MLN: variants seen among roughly 807,000 people sequenced by gnomAD.
The protein encoded by MLN is motilin, also known as promotilin.
MLN carries 14 observed loss-of-function variants against 13.3 expected under a neutral mutation model. The ratio of observed to expected loss-of-function variants is 1.05; its 90% CI spans 0.69 to 1.64. The LOEUF is 1.64. Among genes scored for constraint, MLN ranks in the 40% most tolerant of loss-of-function variants. The pLI is 0.00. For synonymous variants in MLN, 59 were observed against 54.7 expected, an observed-to-expected ratio of 1.08 and a Z score of -0.34; for missense variants, 122 against 142.9, an observed-to-expected ratio of 0.85 and a Z score of 0.75.
chr6:33,795,998 C>T (rs368590492), intron 3 of MLN, among the ~76,000 whole-genome samples: 43 of 138,938 alleles, frequency 3.1e-4, no homozygotes, highest in African/African-American at 9.2e-4. Context: ...CTTGCTCTGT[C>T]GCCCAGGCTG....
Position 33,801,166 on chromosome 6 carries a change from T to C in MLN, c.-3A>G. 6.2e-7 allele frequency: 1 copy of C among 1,611,070 alleles called. No individual in the cohort carries two copies. Among genetic ancestry groups the C allele is most frequent in the Non-Finnish European group, 8.5e-7 (1 of 1,177,334 alleles). ...GCCACAGCCTTACGGGATACCATCT[T>C]GGAGCTGGACAATGACAAGGAGCTC... On this transcript the variant is annotated 5_prime_UTR_variant, in exon 2 of 5. Coordinates refer to ENST00000430124, the MANE Select transcript of MLN (RefSeq NM_002418.3).
chr6:33,801,000 T>C (rs1229912889), intron 2 of MLN, 47 bp downstream of exon 2: 3 of 1,401,150 alleles, frequency 2.1e-6, no homozygotes, highest in Non-Finnish European at 3.0e-6. Context: ...GCATAGGTCA[T>C]AGTGACCTCA....
chr6:33,795,952 T>C (rs1767907956), intron 3 of MLN, among the ~76,000 whole-genome samples: 1 of 148,638 alleles, frequency 6.7e-6, no homozygotes, highest in Non-Finnish European at 1.5e-5. Flanking sequence ...CTTACCCTTA[T>C]TCTAAGCTTT....
chr6:33,796,568 G>A (rs965411975), intron 3 of MLN, among the ~76,000 whole-genome samples: 1 of 151,872 alleles, frequency 6.6e-6, no homozygotes, highest in Non-Finnish European at 1.5e-5. Flanking sequence ...CGGGAGAGTT[G>A]CCCTGGAGGA....
At position 33,803,059 on chromosome 6, in the gene MLN, C is replaced by T. The variant is rs536091138; in HGVS notation, c.-8+894G>A. ...TCATTTTCTTGATCCAACTGGCAGT[C>T]GGCATGTCACCTACGTTCATGTGTG... is the stretch of plus-strand genomic sequence containing the variant. On this transcript the variant is annotated intron_variant, in intron 1 of 4. Transcript: ENST00000430124. The surrounding 1 kb of genome is among the most constrained non-coding windows in gnomAD (Gnocchi z 4.5). Among the ~76,000 whole-genome samples the T allele has an allele frequency of 6.1e-4, 93 of 152,250 alleles. No homozygotes were observed. The highest frequency in any genetic ancestry group is 9.7e-4 in the Non-Finnish European group (66 of 68,014).
intron 3 of MLN, among the ~76,000 whole-genome samples, chr6:33,796,863 C>T (rs1271814058): frequency 6.6e-6 from 1 of 152,228 alleles, no homozygotes; most frequent in Non-Finnish European, 1.5e-5. Context: ...ACCCAAGCCT[C>T]CCCAAGAAGG....
chr6:33,797,480 A>G (rs183073627), intron 3 of MLN, among the ~76,000 whole-genome samples: 7 of 152,142 alleles, frequency 4.6e-5, no homozygotes, highest in Non-Finnish European at 1.0e-4. Context: ...TGACTCCCTG[A>G]TCTTCCTCCT....
rs751285877 is a variant in MLN, at chr6:33,799,142, G to A, written c.197C>T (p.Ala66Val). 6.8e-6 allele frequency: 11 copies of A among 1,611,124 alleles called. No homozygotes were observed. The highest frequency in any genetic ancestry group is 2.2e-5 in the South Asian group (2 of 90,774). ...RSGEEGPVDP[A>V]EPIREEENEM... ...GTTTTCTTCTTCCCTGATGGGCTCCGCAGGGTCTACAGGACCTTCCTCCCC... is the reference window on the plus strand; with the variant it reads ...GTTTTCTTCTTCCCTGATGGGCTCCACAGGGTCTACAGGACCTTCCTCCCC... Residue 66 changes from alanine to valine, a missense_variant, in exon 3 of 5, where the codon GCG becomes GTG. Transcript: ENST00000430124. This position sits in a 1 kb window ranked among gnomAD's most constrained non-coding sequence, Gnocchi z 4.6.
rs540399862 is a variant in MLN, at chr6:33,802,670, G to A, written c.-8+1283C>T. On this transcript the variant is annotated intron_variant, in intron 1 of 4. Transcript: ENST00000430124. ...ACAAGAACAACAGAGCTCAGACAGC[G>A]AAAGCCTCCCCATCCCAGCTGTATG... 8.4e-4 allele frequency among the ~76,000 whole-genome samples: 128 copies of A among 152,274 alleles called. 1 individual carries two copies. The highest frequency in any genetic ancestry group is 1.9e-3 in the South Asian group (9 of 4,822).
rs886647773 is a variant in MLN, at chr6:33,799,281, C to T, written c.118-60G>A. On this transcript the variant is annotated intron_variant, in intron 2 of 4. Coordinates refer to ENST00000430124, the MANE Select transcript of MLN (RefSeq NM_002418.3). The surrounding 1 kb of genome is among the most constrained non-coding windows in gnomAD (Gnocchi z 4.6). Reference sequence around the variant, plus strand: ...CTCCCTCAACCCACGCTGATGGCCCCTTGCCTGTCTCCATCTGCCCAGGGT... The same window carrying T: ...CTCCCTCAACCCACGCTGATGGCCCTTTGCCTGTCTCCATCTGCCCAGGGT... The T allele has an allele frequency of 1.6e-5, 20 of 1,224,430 alleles. No homozygotes were observed. In the African/African-American group the frequency reaches 2.7e-4, roughly 16 times the overall value. 75.8% of individuals were successfully genotyped at this position (1,224,430 alleles called of 1,614,324 possible). A position where few individuals can be genotyped will look rare whatever the true frequency, so the allele number is the denominator to read the frequency against.
At chr6:33,800,358 C>T (rs1768014199) in intron 2 of MLN, among the ~76,000 whole-genome samples, 1 of 152,226 alleles carries the variant, frequency 6.6e-6, no homozygotes, top group East Asian at 1.9e-4. Context: ...CCAGCAGTTC[C>T]ATTTTCCTTA....
chr6:33,794,746 C>A lies in MLN; in HGVS notation c.*79G>T. The A allele has an allele frequency of 6.4e-7, 1 of 1,553,470 alleles. No homozygotes were observed. Among genetic ancestry groups the A allele is most frequent in the Non-Finnish European group, 8.8e-7 (1 of 1,138,348 alleles). ...GTGTTTTCCTTCCAAGCCCAGCTGGCAGGCTCTGTAAATTCCCAGGGCCTC... is the reference window on the plus strand; with the variant it reads ...GTGTTTTCCTTCCAAGCCCAGCTGGAAGGCTCTGTAAATTCCCAGGGCCTC... On this transcript the variant is annotated 3_prime_UTR_variant, in exon 5 of 5. Transcript: ENST00000430124.
chr6:33,799,216 CT>C lies in MLN; in HGVS notation c.122del (p.Lys41ArgfsTer11). Reference sequence around the variant, plus strand: ...ATTTCTTTTGCCCTTTATTCCGTTCCTTTTCCTAGGGGCAGAACAGAAAATT... The same window carrying C: ...ATTTCTTTTGCCCTTTATTCCGTTCCTTTCCTAGGGGCAGAACAGAAAATT... ...TYGELQRMQE[K>X]ERNKGQKKSL... On this transcript the variant is annotated frameshift_variant, in exon 3 of 5. Transcript: ENST00000430124. LOFTEE classifies it high-confidence loss of function. The surrounding 1 kb of genome is among the most constrained non-coding windows in gnomAD (Gnocchi z 4.6). 1 of 1,609,986 alleles carries C rather than the reference CT, an allele frequency of 6.2e-7. No individual in the cohort carries two copies. The highest frequency in any genetic ancestry group is 8.5e-7 in the Non-Finnish European group (1 of 1,176,780).
In MLN at chr6:33,795,501, A is replaced by C. The variant is rs1767893055; in HGVS notation, c.337+2T>G. On this transcript the variant is annotated splice_donor_variant, in intron 4 of 4. Transcript: ENST00000430124. LOFTEE classifies it high-confidence loss of function. ...CCACAGAGATGCCCGCCCTCCCCGT[A>C]CCATGCTGGGGAAGCATCTCACTCA... The C allele has an allele frequency of 1.3e-6, 2 of 1,558,466 alleles. No individual in the cohort carries two copies. Among genetic ancestry groups the C allele is most frequent in the Non-Finnish European group, 1.7e-6 (2 of 1,150,070 alleles).
intron 2 of MLN, among the ~76,000 whole-genome samples, chr6:33,800,024 C>T (rs1768008482): frequency 6.6e-6 from 1 of 152,132 alleles, no homozygotes; most frequent in South Asian, 2.1e-4. Flanking sequence ...GGGCCTGCTG[C>T]AGTACCTACC....
intron 1 of MLN, among the ~76,000 whole-genome samples, chr6:33,801,437 T>C (rs552364566): frequency 2.0e-5 from 3 of 152,318 alleles, no homozygotes; most frequent in African/African-American, 7.2e-5. Flanking sequence ...AGGAATCATT[T>C]CACTTGTCCA....
At position 33,799,012 on chromosome 6, in the gene MLN, C is replaced by T. The variant is rs1484436207; in HGVS notation, c.234+93G>A. 4.1e-5 allele frequency: 34 copies of T among 828,198 alleles called. 1 individual carries two copies. In the South Asian group the frequency reaches 5.4e-4, roughly 13 times the overall value. The allele number at this position is 828,198 out of a possible 1,614,324, so 51.3% of individuals were successfully genotyped here. On this transcript the variant is annotated intron_variant, in intron 3 of 4. Coordinates refer to ENST00000430124, the MANE Select transcript of MLN (RefSeq NM_002418.3). The surrounding 1 kb of genome is among the most constrained non-coding windows in gnomAD (Gnocchi z 4.6). ...TGCGATATCCTAGGACACTCTGAGG[C>T]TCACTGTGGCTTGTGGGCTCTGCCT... is the stretch of plus-strand genomic sequence containing the variant.
Position 33,794,835 on chromosome 6 carries a change from G to A in MLN, c.338C>T (p.Ala113Val). Residue 113 changes from alanine (A) to valine (V), a missense_variant and splice_region_variant, in exon 5 of 5, where the codon GCA (alanine) becomes GTA (valine). Ala to Val is a moderately conservative substitution (Grantham distance 64, BLOSUM62 0). Transcript: ENST00000430124. Reference protein sequence around the residue: ...GLLSEMLPQHAAK With the variant: ...GLLSEMLPQHVAK ...TCCCCAGCGTGGCCATCACTTGGCTGCTGGAGAAAAGCAGAGGTTTGCGCT... is the reference window on the plus strand; with the variant it reads ...TCCCCAGCGTGGCCATCACTTGGCTACTGGAGAAAAGCAGAGGTTTGCGCT... 1 of 1,613,576 alleles carries A rather than the reference G, an allele frequency of 6.2e-7. No individual in the cohort carries two copies. Among genetic ancestry groups the A allele is most frequent in the Non-Finnish European group, 8.5e-7 (1 of 1,179,750 alleles).
At chr6:33,800,282 C>A (rs1768012822) in intron 2 of MLN, among the ~76,000 whole-genome samples, 1 of 152,196 alleles carries the variant, frequency 6.6e-6, no homozygotes, top group Non-Finnish European at 1.5e-5. Context: ...TTAAAGGGAA[C>A]CAAACATCTG....
Sources: gnomAD v4.1 joint callset for allele counts (sites outside exome capture counted in the v4.1 genomes callset) on GRCh38, gnomAD v4.1.1 for gene constraint, Gnocchi (gnomAD v3.1) non-coding constraint, MANE v1.5 for transcripts, NCBI Gene and HGNC (gene_info 2026-07-23, HGNC 2026-07-21) for gene names.